The following ANKRD26 variants were observed in gnomAD, a reference collection of about 807,000 sequenced individuals.
The protein encoded by ANKRD26 is ankyrin repeat domain-containing protein 26.
ANKRD26 carries 141 observed loss-of-function variants against 208.7 expected under a neutral mutation model. The ratio of observed to expected loss-of-function variants is 0.68; its 90% CI spans 0.59 to 0.78. The LOEUF is 0.78. ANKRD26 is among the 30% of genes least tolerant of loss of function. The pLI, the probability that ANKRD26 is intolerant of heterozygous loss-of-function variation, is 0.00. For synonymous variants in ANKRD26, 636 were observed against 660.4 expected, an observed-to-expected ratio of 0.96 and a Z score of 0.57; for missense variants, 1,889 against 1,938.7, an observed-to-expected ratio of 0.97 and a Z score of 0.48.
chr10:26,951,832 C>T, the ANKRD26 span, among the ~76,000 whole-genome samples: 118 of 119,854 alleles, frequency 9.8e-4, no homozygotes, highest in East Asian at 2.1e-3. Flanking sequence ...GACATTTGGG[C>T]CTTGTTGACC....
chr10:27,052,915 A>G (rs2054710505), intron 16 of ANKRD26, among the ~76,000 whole-genome samples: 1 of 152,200 alleles, frequency 6.6e-6, no homozygotes, highest in Non-Finnish European at 1.5e-5. Context: ...ACCACTGGGA[A>G]TGATTACTCC....
rs557809380 is a variant in ANKRD26 at position 27,043,089 on chromosome 10, T to C, written c.2161+337A>G. On this transcript the variant is annotated intron_variant, in intron 20 of 33. Coordinates refer to ENST00000376087, the MANE Select transcript of ANKRD26 (RefSeq NM_014915.3). ...CAAAATCCATAATTAAACAGATAAA[T>C]TGGACTTCATCAAAATTAAAAACTT... is the stretch of plus-strand genomic sequence containing the variant. 6.0e-5 allele frequency among the ~76,000 whole-genome samples: 9 copies of C among 150,922 alleles called. No homozygotes were observed. The South Asian group carries it at 1.9e-3, about 31-fold the overall frequency.
At chr10:26,985,993 A>G (rs887566948) in intron 3 of ANKRD26, among the ~76,000 whole-genome samples, 3 of 152,192 alleles carry the variant, frequency 2.0e-5, no homozygotes, top group Non-Finnish European at 4.4e-5. Context: ...CCAAAAGAAC[A>G]AAGCTGGAGG....
downstream of ANKRD26, among the ~76,000 whole-genome samples, chr10:26,988,397 T>C (rs2052425144): frequency 2.0e-5 from 3 of 152,164 alleles, no homozygotes; most frequent in Non-Finnish European, 4.4e-5. Flanking sequence ...ATGAAATATA[T>C]TCCTGAGAGG....
downstream of ANKRD26, among the ~76,000 whole-genome samples, chr10:26,999,845 A>C (rs1410760937): frequency 6.6e-6 from 1 of 151,418 alleles, no homozygotes; most frequent in Non-Finnish European, 1.5e-5. Flanking sequence ...AAATCCCAAG[A>C]AGACAGAAAC....
chr10:26,969,387 A>G (rs999138377), downstream of ANKRD26, among the ~76,000 whole-genome samples: 2 of 152,216 alleles, frequency 1.3e-5, no homozygotes, highest in Non-Finnish European at 2.9e-5. Flanking sequence ...GGAGGCAAAT[A>G]CTCAGTGATC....
chr10:27,100,088 T>C lies in ANKRD26; in HGVS notation c.239A>G (p.Asn80Ser). Reference protein sequence around the residue: ...KNGLNDRDKMNRTALHLACAN... With the variant: ...KNGLNDRDKMSRTALHLACAN... ...CCGGGCTTGCGACGCCTATTACCTGTTCATCTTGTCTCTATCGTTCAAGCC... is the reference window on the plus strand; with the variant it reads ...CCGGGCTTGCGACGCCTATTACCTGCTCATCTTGTCTCTATCGTTCAAGCC... Residue 80 changes from asparagine (N) to serine (S), a missense_variant, in exon 1 of 34, where the codon AAC (asparagine) becomes AGC (serine). This residue lies in a region of ANKRD26 where 1,272 missense variants were observed against 1,273.8 expected (regional missense o/e 1.00). Coordinates refer to ENST00000376087, the MANE Select transcript of ANKRD26 (RefSeq NM_014915.3). The C allele has an allele frequency of 6.2e-7, 1 of 1,613,972 alleles. No individual in the cohort carries two copies.
At chr10:27,029,026 G>A in intron 26 of ANKRD26, 81 bp from the exon 27 acceptor site, 2 of 1,167,036 alleles carry the variant, frequency 1.7e-6, no homozygotes, top group Non-Finnish European at 2.4e-6. Flanking sequence ...ACACCTGAAG[G>A]CATAATTACA....
intron 32 of ANKRD26, among the ~76,000 whole-genome samples, chr10:27,009,987 A>C (rs74972257): frequency 1.3e-5 from 2 of 152,216 alleles, no homozygotes; most frequent in Non-Finnish European, 2.9e-5. Flanking sequence ...TTTTCAAACT[A>C]TGTCCCACAG....
intron 32 of ANKRD26, among the ~76,000 whole-genome samples, chr10:27,008,997 G>A (rs1564350344): frequency 6.6e-6 from 1 of 152,088 alleles, no homozygotes; most frequent in African/African-American, 2.4e-5. Context: ...GCAACACCAC[G>A]CCCAGCTAAT....
chr10:27,021,470 T>TA (rs1405977431), intron 29 of ANKRD26, among the ~76,000 whole-genome samples: 2 of 152,244 alleles, frequency 1.3e-5, no homozygotes, highest in African/African-American at 2.4e-5. Context: ...TGTCTTTTGA[T>TA]AGTAGCGATT....
chr10:26,978,738 A>C (rs2052263134), intron 5 of ANKRD26, among the ~76,000 whole-genome samples: 1 of 152,120 alleles, frequency 6.6e-6, no homozygotes, highest in South Asian at 2.1e-4. Context: ...ACATGCACAG[A>C]CTCTACTTAT....
At chr10:26,951,019 C>CTTTTTTTT in the ANKRD26 span, among the ~76,000 whole-genome samples, 8 of 48,590 alleles carry the variant, frequency 1.6e-4, no homozygotes, top group East Asian at 4.5e-4. Context: ...TTTTCTTTTT[C>CTTTTTTTT]TTTTTTTTTT....
intron 12 of ANKRD26, chr10:27,061,808 A>C (rs2055067251): frequency 2.4e-6 from 1 of 416,888 alleles, no homozygotes; most frequent in African/African-American, 2.2e-5. Context: ...CCAGCAACCC[A>C]CCCACCTTGG....
At chr10:27,046,301 A>G in intron 18 of ANKRD26, 52 bp downstream of exon 18, 2 of 1,576,674 alleles carry the variant, frequency 1.3e-6, no homozygotes, top group Middle Eastern at 1.7e-4. Flanking sequence ...TTTCAGAAAA[A>G]AATTACTACT....
chr10:26,950,367 G>A, the ANKRD26 span, among the ~76,000 whole-genome samples: 1 of 152,096 alleles, frequency 6.6e-6, no homozygotes, highest in Non-Finnish European at 1.5e-5. Flanking sequence ...ATAACTGTGA[G>A]TCAATTAAAC....
Position 27,093,442 on chromosome 10 carries a change from G to T in ANKRD26, c.438C>A (p.Gly146=), listed in dbSNP as rs763576829. Residue 146 remains glycine (G), a synonymous_variant, in exon 3 of 34, where the codon GGC becomes GGA. Transcript: ENST00000376087. ...AGACAGCATAGTGAAGAGCAGTGTT[G>T]CCATGGACATCCGCAAGATTTGGAT... ...GADPNLADVH[G]NTALHYAVYN... is the part of the protein sequence containing the mutation. 6.8e-6 allele frequency: 11 copies of T among 1,614,096 alleles called. No individual in the cohort carries two copies. In the East Asian group the frequency reaches 2.5e-4, roughly 36 times the overall value.
chr10:27,059,818 C>A (rs1472904851), intron 15 of ANKRD26, among the ~76,000 whole-genome samples: 1 of 151,606 alleles, frequency 6.6e-6, no homozygotes, highest in Non-Finnish European at 1.5e-5. Context: ...TTGCTGGAAC[C>A]CAGGAGGCGG....
the ANKRD26 span, among the ~76,000 whole-genome samples, chr10:26,952,148 C>A: frequency 2.4e-4 from 37 of 152,262 alleles, no homozygotes; most frequent in South Asian, 6.6e-3. Flanking sequence ...CCTGATTGAC[C>A]TGACTTGCTT....
Sources: allele counts gnomAD v4.1 joint callset (sites outside exome capture counted in the v4.1 genomes callset), GRCh38; gene constraint gnomAD v4.1.1; regional missense constraint gnomAD v4.1.1; transcripts MANE v1.5; gene names NCBI Gene and HGNC (gene_info 2026-07-23, HGNC 2026-07-21).